The following FBXL7 variants were observed in gnomAD, a reference collection of about 807,000 sequenced individuals.
FBXL7 encodes F-box and leucine rich repeat protein 7.
A neutral mutation model predicts 38.3 loss-of-function variants in FBXL7; 12 were observed. That is an observed-to-expected ratio of 0.31 (90% CI 0.20 to 0.51). The LOEUF (loss-of-function observed/expected upper bound fraction) is 0.51, where lower values mean the gene tolerates loss of function less well. Ranked by LOEUF, FBXL7 falls within the 20% of genes least tolerant of loss-of-function variation. The pLI is 0.98. For missense variants in FBXL7, 567 were observed against 676.4 expected, an observed-to-expected ratio of 0.84 and a Z score of 1.79; for synonymous variants, 297 against 300.9, an observed-to-expected ratio of 0.99 and a Z score of 0.13.
chr5:15,559,763 A>C (rs528840149), intron 1 of FBXL7, among the ~76,000 whole-genome samples: 1 of 152,386 alleles, frequency 6.6e-6, no homozygotes, highest in Admixed American at 6.5e-5. Context: ...TTGCTTTGGC[A>C]ATAAAACGCC....
At chr5:15,657,497 T>A (rs984739869) in intron 2 of FBXL7, among the ~76,000 whole-genome samples, 1 of 152,204 alleles carries the variant, frequency 6.6e-6, no homozygotes, top group Admixed American at 6.5e-5. Flanking sequence ...ATTATTCAGT[T>A]AATGAAATTG....
At chr5:15,619,835 A>G (rs897416509) in intron 2 of FBXL7, among the ~76,000 whole-genome samples, 1 of 152,164 alleles carries the variant, frequency 6.6e-6, no homozygotes, top group African/African-American at 2.4e-5. Context: ...GAGGGTTCAC[A>G]TTGCTTCCCT....
At position 15,851,739 on chromosome 5, in the gene FBXL7, G is replaced by A. The variant is rs1388588615; in HGVS notation, c.128-76151G>A. On this transcript the variant is annotated intron_variant, in intron 2 of 3. Transcript: ENST00000504595. The stretch of plus-strand genomic sequence containing the variant: ...TTTGGGAGGGCTAGGGAGGGCTGAG[G>A]ATAAATATAAGCCTGTGTATTGCTA... Among the ~76,000 whole-genome samples the A allele has an allele frequency of 2.0e-5, 3 of 151,424 alleles. No individual in the cohort carries two copies. The East Asian group carries it at 5.8e-4, about 29-fold the overall frequency.
At chr5:15,868,044 C>T (rs1422892644) in intron 2 of FBXL7, among the ~76,000 whole-genome samples, 1 of 141,836 alleles carries the variant, frequency 7.1e-6, no homozygotes, top group Non-Finnish European at 1.5e-5. Flanking sequence ...GCGGAGGTTG[C>T]GGTGAGCTGA....
At chr5:15,533,710 C>G (rs958155072) in intron 1 of FBXL7, among the ~76,000 whole-genome samples, 2 of 152,072 alleles carry the variant, frequency 1.3e-5, no homozygotes, top group African/African-American at 4.8e-5. Context: ...AATTTGGGGT[C>G]AAGAGTTTCA....
intron 2 of FBXL7, among the ~76,000 whole-genome samples, chr5:15,707,232 G>C (rs1743716825): frequency 8.1e-6 from 1 of 122,754 alleles, no homozygotes; most frequent in Non-Finnish European, 1.6e-5. Context: ...GAAAGTAAAG[G>C]AATAAAAGAA....
intron 2 of FBXL7, among the ~76,000 whole-genome samples, chr5:15,826,891 C>T (rs949690094): frequency 6.6e-6 from 1 of 151,100 alleles, no homozygotes; most frequent in Admixed American, 6.6e-5. Context: ...TGCACAGAAC[C>T]AGACATTCTC....
chr5:15,922,095 G>A (rs1447749021), intron 2 of FBXL7, among the ~76,000 whole-genome samples: 1 of 151,806 alleles, frequency 6.6e-6, no homozygotes, highest in East Asian at 1.9e-4. Context: ...ATCAATGGAT[G>A]AATGGGTAAA....
intron 1 of FBXL7, among the ~76,000 whole-genome samples, chr5:15,573,576 A>C (rs1738860948): frequency 6.6e-6 from 1 of 152,220 alleles, no homozygotes; most frequent in African/African-American, 2.4e-5. Context: ...TTACAAAGGA[A>C]GGCAGTGTAG....
At chr5:15,584,551 C>A (rs926515514) in intron 1 of FBXL7, among the ~76,000 whole-genome samples, 13 of 152,306 alleles carry the variant, frequency 8.5e-5, no homozygotes, top group Admixed American at 2.6e-4. Context: ...GCCTGGACTT[C>A]ATTGTCTACA....
chr5:15,569,806 T>C (rs967841023), intron 1 of FBXL7, among the ~76,000 whole-genome samples: 2 of 152,372 alleles, frequency 1.3e-5, no homozygotes, highest in South Asian at 2.1e-4. Context: ...TGAAGCGTTG[T>C]TGAATTTTTT....
At chr5:15,755,492 C>A (rs1321612102) in intron 2 of FBXL7, among the ~76,000 whole-genome samples, 1 of 152,116 alleles carries the variant, frequency 6.6e-6, no homozygotes, top group Non-Finnish European at 1.5e-5. Flanking sequence ...TCCCATCTAT[C>A]TAATGAGTAG....
chr5:15,502,208 C>T (rs910570631), intron 1 of FBXL7, among the ~76,000 whole-genome samples: 5 of 152,110 alleles, frequency 3.3e-5, no homozygotes, highest in African/African-American at 7.2e-5. Context: ...CCAAGGGGTA[C>T]ATAGAATCAC....
chr5:15,662,885 C>T (rs1450775998), intron 2 of FBXL7, among the ~76,000 whole-genome samples: 1 of 152,164 alleles, frequency 6.6e-6, no homozygotes, highest in African/African-American at 2.4e-5. Context: ...CAGTACCATG[C>T]TGTTTTGGTT....
At position 15,735,661 on chromosome 5, in the gene FBXL7, A is replaced by G. The variant is rs79433487; in HGVS notation, c.127+119589A>G. On this transcript the variant is annotated intron_variant, in intron 2 of 3. Coordinates refer to ENST00000504595, the MANE Select transcript of FBXL7 (RefSeq NM_012304.5). Reference sequence around the variant, plus strand: ...CCCACTTCCAGGGATTTTAGAATAGAGGTTAAATGTAAGAAGTAGACACAT... The same window carrying G: ...CCCACTTCCAGGGATTTTAGAATAGGGGTTAAATGTAAGAAGTAGACACAT... 5.7e-3 allele frequency among the ~76,000 whole-genome samples: 875 copies of G among 152,348 alleles called. 4 individuals are homozygous for G. The highest frequency in any genetic ancestry group is 0.02 in the African/African-American group (831 of 41,588).
chr5:15,728,284 CTTA>C (rs1735480421), intron 2 of FBXL7, among the ~76,000 whole-genome samples: 3 of 151,918 alleles, frequency 2.0e-5, no homozygotes, highest in South Asian at 2.1e-4. Context: ...ATTTGTGTGC[CTTA>C]TTATTTTTTA....
chr5:15,855,507 A>G (rs1462314462), intron 2 of FBXL7, among the ~76,000 whole-genome samples: 2 of 152,150 alleles, frequency 1.3e-5, no homozygotes, highest in African/African-American at 2.4e-5. Flanking sequence ...CTTAGGTCAT[A>G]TATTTTCTTG....
intron 2 of FBXL7, among the ~76,000 whole-genome samples, chr5:15,808,795 G>C (rs922641186): frequency 6.6e-6 from 1 of 152,162 alleles, no homozygotes; most frequent in Admixed American, 6.5e-5. Flanking sequence ...GACTCGGGGT[G>C]TGCAATCTAA....
intron 2 of FBXL7, among the ~76,000 whole-genome samples, chr5:15,858,036 A>G (rs1296602013): frequency 6.4e-4 from 97 of 152,212 alleles, no homozygotes; most frequent in Non-Finnish European, 1.9e-4. Context: ...ATTCACCAGT[A>G]TGCCAGTTTG....
Sources: allele counts gnomAD v4.1 joint callset (sites outside exome capture counted in the v4.1 genomes callset), GRCh38; gene constraint gnomAD v4.1.1; transcripts MANE v1.5; gene names NCBI Gene and HGNC (gene_info 2026-07-23, HGNC 2026-07-21).